SPNS3: variants seen among roughly 807,000 people sequenced by gnomAD.
The protein encoded by SPNS3 is protein spinster homolog 3.
A neutral mutation model predicts 54.4 loss-of-function variants in SPNS3; 51 were observed. The ratio of observed to expected loss-of-function variants is 0.94; its 90% confidence interval spans 0.75 to 1.18. The LOEUF is 1.18. Ranked by LOEUF, SPNS3 falls within the 50% of genes most tolerant of loss-of-function variation. The pLI is 0.00. For missense variants in SPNS3, 669 were observed against 677.4 expected (o/e 0.99, Z 0.14); for synonymous variants, 309 against 294.7 (o/e 1.05, Z -0.50).
chr17:4,481,851 A>ATCAT (rs1418717951), intron 9 of SPNS3: 1 of 150,430 alleles, frequency 6.6e-6, no homozygotes, highest in African/African-American at 2.4e-5. Flanking sequence ...TGACTTCCAG[A>ATCAT]TCATCCCTTC....
intron 2 of SPNS3, among the ~76,000 whole-genome samples, chr17:4,443,112 A>C (rs1360413537): frequency 6.6e-6 from 1 of 151,750 alleles, no homozygotes; most frequent in Non-Finnish European, 1.5e-5. Flanking sequence ...GCTCTGTCAC[A>C]CAGGCTGGAG....
Position 4,446,165 on chromosome 17 carries a change from C to G in SPNS3, c.520C>G (p.Leu174Val), listed in dbSNP as rs1394430876. 6.2e-7 allele frequency: 1 copy of G among 1,613,070 alleles called. No individual in the cohort carries two copies. The highest frequency in any genetic ancestry group is 1.7e-5 in the Admixed American group (1 of 59,974). Residue 174 changes from leucine to valine, a missense_variant, in exon 4 of 12, where the codon CTG (leucine) becomes GTG (valine). Leu to Val is a conservative substitution (Grantham distance 32). Transcript: ENST00000355530. ...LFVRDQRTRV[L>V]AVFYIFIPVG... ...CGTGAGGGACCAGCGCACCCGCGTG[C>G]TGGCTGTCTTCTACATCTTTATCCC...
At chr17:4,447,016 T>C (rs1361220079) in intron 5 of SPNS3, 54 bp downstream of exon 5, 36 of 1,600,932 alleles carry the variant, frequency 2.2e-5, no homozygotes, top group Non-Finnish European at 3.0e-5. Context: ...CGGCAGGGAC[T>C]TTCCAGCCTT....
intron 11 of SPNS3, among the ~76,000 whole-genome samples, chr17:4,487,167 C>CAA (rs35822922): frequency 0.018 from 1,245 of 70,158 alleles, 19 homozygotes; most frequent in African/African-American, 0.039. Context: ...AAGACTGTCT[C>CAA]AAAAAAAAAA....
chr17:4,467,664 T>A (rs7224092), intron 8 of SPNS3, among the ~76,000 whole-genome samples: 2,021 of 152,298 alleles, frequency 0.013, 43 homozygotes, highest in African/African-American at 0.046. Flanking sequence ...TTATTTAATT[T>A]AATTAAATTA....
In SPNS3 at chr17:4,439,694, G is replaced by A. The variant is rs1006651607; in HGVS notation, c.236G>A (p.Ser79Asn). Residue 79 changes from serine (S) to asparagine (N), a missense_variant, in exon 2 of 12, where the codon AGT (serine) becomes AAT (asparagine). Coordinates refer to ENST00000355530, the MANE Select transcript of SPNS3 (RefSeq NM_182538.5). Reference protein sequence around the residue: ...LLDIQEVFQISDNHAGLLQTV... With the variant: ...LLDIQEVFQINDNHAGLLQTV... ...GATATACAGGAGGTTTTCCAGATCA[G>A]TGACAACCATGCTGGTTTGCTTCAG... The A allele has an allele frequency of 1.2e-6, 2 of 1,613,488 alleles. No homozygotes were observed. The highest frequency in any genetic ancestry group is 1.7e-6 in the Non-Finnish European group (2 of 1,179,810).
At chr17:4,449,878 C>A (rs919722420) in intron 7 of SPNS3, among the ~76,000 whole-genome samples, 4 of 152,172 alleles carry the variant, frequency 2.6e-5, no homozygotes, top group Non-Finnish European at 5.9e-5. Flanking sequence ...ACTCTGCCCT[C>A]AGGGCACGCC....
intron 8 of SPNS3, among the ~76,000 whole-genome samples, chr17:4,465,237 C>G (rs939098639): frequency 6.6e-6 from 1 of 152,176 alleles, no homozygotes. Flanking sequence ...TGTGGCCTCT[C>G]CGTGTGGTCT....
intron 9 of SPNS3, among the ~76,000 whole-genome samples, chr17:4,481,096 A>T (rs1972138424): frequency 6.6e-6 from 1 of 152,076 alleles, no homozygotes; most frequent in Non-Finnish European, 1.5e-5. Flanking sequence ...AATTCCCTTG[A>T]GGAGCTGAGC....
At chr17:4,440,152 C>T (rs1034134273) in intron 2 of SPNS3, among the ~76,000 whole-genome samples, 1 of 152,152 alleles carries the variant, frequency 6.6e-6, no homozygotes, top group East Asian at 1.9e-4. Context: ...AGGCACATCC[C>T]CCCACATGGG....
In SPNS3 at chr17:4,449,340, C is replaced by T. The variant is rs140996361; in HGVS notation, c.876C>T (p.His292=). 39 of 1,609,938 alleles carry T rather than the reference C, an allele frequency of 2.4e-5. No homozygotes were observed. The Middle Eastern group carries it at 8.3e-4, about 34-fold the overall frequency. Residue 292 remains histidine, a synonymous_variant, in exon 7 of 12, where the codon CAC becomes CAT. Coordinates refer to ENST00000355530, the MANE Select transcript of SPNS3 (RefSeq NM_182538.5). The part of the protein sequence containing the change: ...PKFLLEARVV[H]GLQPPCFQEP... ...TTCTGCTCGAGGCACGCGTGGTTCACGGGCTGCAGCCTCCCTGCTTCCAGG... is the reference window on the plus strand; with the variant it reads ...TTCTGCTCGAGGCACGCGTGGTTCATGGGCTGCAGCCTCCCTGCTTCCAGG...
chr17:4,433,979 G>T lies in SPNS3; in HGVS notation c.12G>T (p.Gly4=). The T allele has an allele frequency of 6.5e-7, 1 of 1,542,034 alleles. No individual in the cohort carries two copies. Residue 4 remains glycine (G), a synonymous_variant, in exon 1 of 12, where the codon GGG becomes GGT. Coordinates refer to ENST00000355530, the MANE Select transcript of SPNS3 (RefSeq NM_182538.5). Reference sequence around the variant, plus strand: ...AGCTGCAGGCTGGCATGGCTGGGGGGATGTCAGCGGAGTGCCCTGAGCCTG... The same window carrying T: ...AGCTGCAGGCTGGCATGGCTGGGGGTATGTCAGCGGAGTGCCCTGAGCCTG... MAG[G]MSAECPEPGP...
chr17:4,446,117 C>T lies in SPNS3; in HGVS notation c.472C>T (p.Pro158Ser). 2 of 1,613,500 alleles carry T rather than the reference C, an allele frequency of 1.2e-6. No individual in the cohort carries two copies. Among genetic ancestry groups the T allele is most frequent in the Middle Eastern group, 1.7e-4 (1 of 6,060 alleles). Residue 158 changes from proline to serine, a missense_variant, in exon 4 of 12, where the codon CCC becomes TCC. Pro to Ser is a moderately conservative substitution (Grantham distance 74, BLOSUM62 -1). Coordinates refer to ENST00000355530, the MANE Select transcript of SPNS3 (RefSeq NM_182538.5). Reference sequence around the variant, plus strand: ...CTCGGCCAGCTACTCCACCATCGCGCCCACCGTCCTGGGCGACCTCTTCGT... The same window carrying T: ...CTCGGCCAGCTACTCCACCATCGCGTCCACCGTCCTGGGCGACCTCTTCGT... ...TGSASYSTIA[P>S]TVLGDLFVRD...
At chr17:4,446,454 C>T in intron 4 of SPNS3, 1 of 499,030 alleles carries the variant, frequency 2.0e-6, no homozygotes, top group South Asian at 3.0e-5. Context: ...GATTCACACA[C>T]TCGGCAGTGT....
chr17:4,451,522 C>T (rs146439210), intron 7 of SPNS3, among the ~76,000 whole-genome samples: 23 of 152,214 alleles, frequency 1.5e-4, no homozygotes, highest in Admixed American at 9.8e-4. Context: ...GGACCAGTCC[C>T]GCAGAGTCAT....
At chr17:4,439,271 C>T (rs1970788716) in intron 1 of SPNS3, among the ~76,000 whole-genome samples, 1 of 151,936 alleles carries the variant, frequency 6.6e-6, no homozygotes, top group South Asian at 2.1e-4. Flanking sequence ...TTACAGGCGC[C>T]CGCCACCACG....
chr17:4,446,005 G>A lies in SPNS3; in HGVS notation c.403-43G>A, dbSNP rs752928893. The A allele has an allele frequency of 6.4e-6, 10 of 1,562,730 alleles. No homozygotes were observed. In the Admixed American group the frequency reaches 8.9e-5, roughly 14 times the overall value. Reference sequence around the variant, plus strand: ...AACCCTCGGGTCCCTGGCCCTATGGGTGATTTCTGGAACTCACCGTGGTCT... The same window carrying A: ...AACCCTCGGGTCCCTGGCCCTATGGATGATTTCTGGAACTCACCGTGGTCT... On this transcript the variant is annotated intron_variant, in intron 3 of 11. Coordinates refer to ENST00000355530, the MANE Select transcript of SPNS3 (RefSeq NM_182538.5).
chr17:4,463,738 GAAA>G (rs113125706), intron 8 of SPNS3, among the ~76,000 whole-genome samples: 2 of 97,182 alleles, frequency 2.1e-5, no homozygotes, highest in African/African-American at 7.5e-5. Flanking sequence ...ACTCCATCTC[GAAA>G]AAAAAAAAAA....
At chr17:4,478,500 A>C in intron 8 of SPNS3, 72 bp from the exon 9 acceptor site, 1 of 1,379,912 alleles carries the variant, frequency 7.2e-7, no homozygotes, top group Non-Finnish European at 1.0e-6. Context: ...TCCTCTCCAC[A>C]GGTGGGAAGC....
Sources: gnomAD v4.1 joint callset for allele counts (sites outside exome capture counted in the v4.1 genomes callset) on GRCh38, gnomAD v4.1.1 for gene constraint, MANE v1.5 for transcripts, NCBI Gene and HGNC (gene_info 2026-07-23, HGNC 2026-07-21) for gene names.